The following ELF1 variants were observed in gnomAD, a reference collection of about 807,000 sequenced individuals.
ELF1 encodes the protein ETS-related transcription factor Elf-1.
Under a neutral mutation model 59.9 loss-of-function variants are expected in ELF1, and 24 were observed. That is an observed-to-expected ratio of 0.40 (90% CI 0.29 to 0.56). ELF1 has a LOEUF of 0.56. Ranked by LOEUF, ELF1 falls within the 20% of genes least tolerant of loss-of-function variation. The pLI is 0.44. For missense variants in ELF1, 627 were observed against 742.2 expected (o/e 0.84, Z 1.80); for synonymous variants, 248 against 266.2 (o/e 0.93, Z 0.67).
chr13:40,949,684 C>T, intron 5 of ELF1, 122 bp downstream of exon 5: 1 of 1,211,980 alleles, frequency 8.3e-7, no homozygotes. Context: ...CCATTTTGTG[C>T]CTTCAATGTT....
chr13:41,053,606 C>G (rs988297543), intron 1 of ELF1, among the ~76,000 whole-genome samples: 1 of 152,140 alleles, frequency 6.6e-6, no homozygotes, highest in East Asian at 1.9e-4. Flanking sequence ...TAAATGGCTA[C>G]CCCACCCCTT....
intron 1 of ELF1, among the ~76,000 whole-genome samples, chr13:41,045,876 C>G (rs762414215): frequency 2.0e-5 from 3 of 152,148 alleles, no homozygotes; most frequent in Non-Finnish European, 4.4e-5. Flanking sequence ...CTAATGTTGA[C>G]AGTGGGGTGC....
At chr13:41,003,806 T>G (rs549891610) in intron 1 of ELF1, among the ~76,000 whole-genome samples, 1 of 152,212 alleles carries the variant, frequency 6.6e-6, no homozygotes, top group Non-Finnish European at 1.5e-5. Flanking sequence ...CATTTTTTAA[T>G]GGACCAATAT....
chr13:40,976,375 C>T (rs750502203), intron 2 of ELF1, among the ~76,000 whole-genome samples: 1 of 152,214 alleles, frequency 6.6e-6, no homozygotes, highest in African/African-American at 2.4e-5. Context: ...TCCAGTTCAA[C>T]TTCCATGGTG....
Position 41,047,229 on chromosome 13 carries a change from T to C in ELF1, c.-229+13609A>G, listed in dbSNP as rs9634764. On this transcript the variant is annotated intron_variant, in intron 1 of 1. Coordinates refer to the ELF1 transcript ENST00000405737. ...TTCTTTGCCATGGGTTCAAACTTCCTGCTTTAGCTCAGAGAAGTTTGATCG... is the reference window on the plus strand; with the variant it reads ...TTCTTTGCCATGGGTTCAAACTTCCCGCTTTAGCTCAGAGAAGTTTGATCG... 2.8e-3 allele frequency among the ~76,000 whole-genome samples: 422 copies of C among 152,346 alleles called. 8 individuals are homozygous for C. The East Asian group carries it at 0.049, about 18-fold the overall frequency.
chr13:41,042,294 TTTTC>T (rs1006091499), intron 1 of ELF1, among the ~76,000 whole-genome samples: 5 of 150,710 alleles, frequency 3.3e-5, no homozygotes, highest in Middle Eastern at 3.2e-3. Context: ...GGTTACAGCT[TTTTC>T]TTTTTCTTTT....
At chr13:41,047,440 G>A (rs1380658889) in intron 1 of ELF1, among the ~76,000 whole-genome samples, 5 of 152,242 alleles carry the variant, frequency 3.3e-5, no homozygotes, top group Middle Eastern at 3.4e-3. Context: ...TGATGGTGAC[G>A]TACAGATGGG....
At chr13:40,968,015 G>A (rs139046660) in intron 2 of ELF1, among the ~76,000 whole-genome samples, 3 of 151,934 alleles carry the variant, frequency 2.0e-5, no homozygotes, top group Non-Finnish European at 2.9e-5. Flanking sequence ...CAAAACATAG[G>A]TGAACAAACC....
chr13:40,958,798 T>G (rs773046617), intron 3 of ELF1, 38 bp downstream of exon 3: 1 of 1,577,232 alleles, frequency 6.3e-7, no homozygotes, highest in African/African-American at 1.3e-5. Context: ...CCTAAAGCTG[T>G]GCTGCAGCAA....
chr13:41,015,564 C>T (rs1344497708), intron 1 of ELF1, among the ~76,000 whole-genome samples: 2 of 152,086 alleles, frequency 1.3e-5, no homozygotes, highest in African/African-American at 4.8e-5. Flanking sequence ...ATATAAGCAC[C>T]TATGTCATAA....
intron 1 of ELF1, among the ~76,000 whole-genome samples, chr13:41,060,208 G>A (rs949359514): frequency 7.2e-5 from 11 of 152,182 alleles, no homozygotes; most frequent in Non-Finnish European, 1.5e-4. Context: ...CCGGGAGGGC[G>A]CGGAAGGCAC....
chr13:40,963,837 CAG>C (rs1170662480), intron 2 of ELF1, among the ~76,000 whole-genome samples: 1 of 151,740 alleles, frequency 6.6e-6, no homozygotes, highest in Non-Finnish European at 1.5e-5. Flanking sequence ...ACCCAGGAGG[CAG>C]AGGTTGCAGT....
In ELF1 at chr13:41,035,433, T is replaced by C. The variant is rs117846353; in HGVS notation, c.-229+25405A>G. Among the ~76,000 whole-genome samples the C allele has an allele frequency of 2.8e-3, 421 of 152,152 alleles. 8 individuals are homozygous for C. The East Asian group carries it at 0.048, about 17-fold the overall frequency. ...TTTTTTTTTTCCCTTTTCCACCCAA[T>C]TGAACCATTCTCAGGTCATTTAGAC... On this transcript the variant is annotated intron_variant, in intron 1 of 1. Transcript: ENST00000405737.
intron 3 of ELF1, among the ~76,000 whole-genome samples, chr13:40,956,571 C>CAAA (rs34245662): frequency 1.4e-3 from 107 of 76,036 alleles, no homozygotes; most frequent in East Asian, 2.5e-3. Context: ...CAAGAATGAT[C>CAAA]AAAAAAAAAA....
intron 1 of ELF1, among the ~76,000 whole-genome samples, chr13:41,027,794 T>C (rs1875997782): frequency 6.6e-6 from 1 of 152,208 alleles, no homozygotes; most frequent in African/African-American, 2.4e-5. Context: ...CTCAAGCTCA[T>C]GGAATTCATT....
intron 1 of ELF1, among the ~76,000 whole-genome samples, chr13:41,002,982 A>G (rs1383224811): frequency 6.6e-6 from 1 of 152,192 alleles, no homozygotes; most frequent in East Asian, 1.9e-4. Context: ...AAAAAGTCAA[A>G]CTAGGTCAAG....
At chr13:40,984,571 A>C (rs1375322706) in intron 1 of ELF1, among the ~76,000 whole-genome samples, 2 of 152,160 alleles carry the variant, frequency 1.3e-5, no homozygotes, top group Non-Finnish European at 2.9e-5. Flanking sequence ...GTGTTCAATA[A>C]ATAAATATCA....
Position 41,010,493 on chromosome 13 carries a change from ATG to A in ELF1, c.-229+8733_-229+8734del, listed in dbSNP as rs145032015. Among the ~76,000 whole-genome samples the A allele has an allele frequency of 1.2e-3, 154 of 125,584 alleles. 1 individual carries two copies. The South Asian group carries it at 0.014, about 11-fold the overall frequency. 82.4% of individuals were successfully genotyped at this position (125,584 alleles called of 152,430 possible). ...AAAAATACATATAGGTATGAGGTGTATGTGTGTGTGTGTGTGTGCACACTTTC... is the reference window on the plus strand; with the variant it reads ...AAAAATACATATAGGTATGAGGTGTATGTGTGTGTGTGTGTGCACACTTTC... On this transcript the variant is annotated intron_variant, in intron 1 of 8. Transcript: ENST00000239882.
chr13:41,008,618 A>G (rs1173025016), intron 1 of ELF1, among the ~76,000 whole-genome samples: 1 of 152,124 alleles, frequency 6.6e-6, no homozygotes, highest in Admixed American at 6.6e-5. Context: ...AGACCTATGG[A>G]TTTTAATGTT....
Sources: gnomAD v4.1 joint callset for allele counts (sites outside exome capture counted in the v4.1 genomes callset) on GRCh38, gnomAD v4.1.1 for gene constraint, MANE v1.5 for transcripts, NCBI Gene and HGNC (gene_info 2026-07-23, HGNC 2026-07-21) for gene names.